The following CDH13 variants were observed in gnomAD, a reference collection of about 807,000 sequenced individuals.
CDH13 encodes the protein cadherin-13.
CDH13 carries 24 observed loss-of-function variants against 63.8 expected under a neutral mutation model. The ratio of observed to expected loss-of-function variants is 0.38; its 90% confidence interval spans 0.27 to 0.53. CDH13 has a LOEUF of 0.53. Among genes scored for constraint, CDH13 ranks in the 20% least tolerant of loss-of-function variants. The pLI is 0.85. For synonymous variants in CDH13, 503 were observed against 355.3 expected (o/e 1.42, Z -4.67); for missense variants, 1,049 against 903.1 (o/e 1.16, Z -2.07).
intron 1 of CDH13, among the ~76,000 whole-genome samples, chr16:82,751,827 A>C (rs1001873833): frequency 1.3e-5 from 2 of 152,080 alleles, no homozygotes; most frequent in African/African-American, 2.4e-5. Context: ...TTATCAGCAC[A>C]CAGTGTTGGT....
chr16:83,503,965 G>A (rs1267222928), intron 7 of CDH13, among the ~76,000 whole-genome samples: 1 of 150,662 alleles, frequency 6.6e-6, no homozygotes, highest in Non-Finnish European at 1.5e-5. Flanking sequence ...GGGGTGGGGG[G>A]CAAGGGAAGG....
At chr16:83,678,541 A>C in intron 10 of CDH13, 80 bp downstream of exon 10, 1 of 1,515,568 alleles carries the variant, frequency 6.6e-7, no homozygotes. Context: ...GCTGGTTGTC[A>C]GGAGCAGACA....
rs543497707 is a variant in CDH13 at position 82,710,487 on chromosome 16, C to G, written c.45+83350C>G. On this transcript the variant is annotated intron_variant, in intron 1 of 13. Coordinates refer to ENST00000567109, the MANE Select transcript of CDH13 (RefSeq NM_001257.5). ...GGCGGAGCTTGCAGTGAGCCGAGAT[C>G]GCGCCACTGCACTCCAGCCTGGGTG... is the stretch of plus-strand genomic sequence containing the variant. 3.1e-5 allele frequency among the ~76,000 whole-genome samples: 4 copies of G among 128,946 alleles called. No individual in the cohort carries two copies. The East Asian group carries it at 6.7e-4, about 22-fold the overall frequency. 84.6% of individuals were successfully genotyped at this position (128,946 alleles called of 152,430 possible). A position where few individuals can be genotyped will look rare whatever the true frequency, so the allele number is the denominator to read the frequency against.
At chr16:83,555,375 G>A (rs894371717) in intron 7 of CDH13, among the ~76,000 whole-genome samples, 1 of 152,132 alleles carries the variant, frequency 6.6e-6, no homozygotes, top group Non-Finnish European at 1.5e-5. Context: ...CCAGGCCTGT[G>A]GAATCATAGT....
chr16:83,389,601 T>C (rs1472318533), intron 6 of CDH13, among the ~76,000 whole-genome samples: 1 of 152,248 alleles, frequency 6.6e-6, no homozygotes, highest in Non-Finnish European at 1.5e-5. Context: ...CCATTTATTC[T>C]GCAGATAGTC....
intron 6 of CDH13, among the ~76,000 whole-genome samples, chr16:83,444,901 A>G (rs1364306432): frequency 8.4e-4 from 1 of 1,188 alleles, no homozygotes; most frequent in Non-Finnish European, 3.4e-3. Context: ...TTCACGGAAG[A>G]CTCCAAAAAT....
At chr16:83,220,034 C>G (rs1457088183) in intron 5 of CDH13, among the ~76,000 whole-genome samples, 1 of 152,200 alleles carries the variant, frequency 6.6e-6, no homozygotes, top group South Asian at 2.1e-4. Flanking sequence ...GTTTCTTACA[C>G]AAGTACTTGG....
At chr16:82,774,541 T>C (rs1479172677) in intron 1 of CDH13, among the ~76,000 whole-genome samples, 1 of 152,226 alleles carries the variant, frequency 6.6e-6, no homozygotes, top group African/African-American at 2.4e-5. Context: ...GAAAAAGAAT[T>C]ATTTCATTCA....
intron 2 of CDH13, among the ~76,000 whole-genome samples, chr16:82,939,278 C>T (rs1271705088): frequency 6.6e-6 from 1 of 152,076 alleles, no homozygotes; most frequent in Non-Finnish European, 1.5e-5. Context: ...CAAAAATTAG[C>T]CAGGTGTGCT....
At chr16:83,431,213 A>C (rs1227095813) in intron 6 of CDH13, among the ~76,000 whole-genome samples, 1 of 151,598 alleles carries the variant, frequency 6.6e-6, no homozygotes, top group South Asian at 2.1e-4. Context: ...AATCCAGTCT[A>C]TCATTGTTGG....
chr16:82,845,349 C>T (rs1283143189), intron 1 of CDH13, among the ~76,000 whole-genome samples: 1 of 152,206 alleles, frequency 6.6e-6, no homozygotes, highest in Non-Finnish European at 1.5e-5. Flanking sequence ...TGCTTTCCCT[C>T]ACATTAGCCA....
intron 11 of CDH13, among the ~76,000 whole-genome samples, chr16:83,767,798 G>A (rs996584979): frequency 3.9e-5 from 6 of 152,056 alleles, no homozygotes; most frequent in Admixed American, 6.6e-5. Context: ...CAAAATAGGC[G>A]AATCTGTAGA....
chr16:83,486,746 T>C (rs2073900060), intron 7 of CDH13, 91 bp downstream of exon 7: 7 of 1,191,566 alleles, frequency 5.9e-6, no homozygotes, highest in Non-Finnish European at 8.5e-6. Flanking sequence ...AGTGGTTTTT[T>C]TTAATACTGT....
chr16:83,271,715 C>G (rs1403079612), intron 5 of CDH13, among the ~76,000 whole-genome samples: 2 of 152,012 alleles, frequency 1.3e-5, no homozygotes, highest in Non-Finnish European at 2.9e-5. Flanking sequence ...TTTCTTTTAT[C>G]TTTCTTTGCA....
intron 7 of CDH13, among the ~76,000 whole-genome samples, chr16:83,583,455 C>G (rs1905829070): frequency 6.6e-6 from 1 of 152,232 alleles, no homozygotes; most frequent in Non-Finnish European, 1.5e-5. Flanking sequence ...ATTTATTGCA[C>G]ATCTATTCTG....
intron 8 of CDH13, among the ~76,000 whole-genome samples, chr16:83,644,446 C>A (rs893535868): frequency 6.6e-6 from 1 of 152,234 alleles, no homozygotes; most frequent in Non-Finnish European, 1.5e-5. Context: ...TGTACATCTT[C>A]ACGTACATAT....
At chr16:83,125,297 T>C (rs1400352173) in intron 3 of CDH13, 88 bp from the exon 4 acceptor site, 12 of 744,874 alleles carry the variant, frequency 1.6e-5, no homozygotes, top group Non-Finnish European at 2.6e-5. Context: ...AGCTGTATGC[T>C]TTCCCAACAA....
At chr16:83,588,919 G>A (rs919625176) in intron 7 of CDH13, among the ~76,000 whole-genome samples, 7 of 152,296 alleles carry the variant, frequency 4.6e-5, no homozygotes, top group Middle Eastern at 3.4e-3. Context: ...AGTGTTCCAG[G>A]AAACTCAGCG....
chr16:83,037,957 A>G (rs1917012155), intron 3 of CDH13, among the ~76,000 whole-genome samples: 1 of 152,174 alleles, frequency 6.6e-6, no homozygotes, highest in African/African-American at 2.4e-5. Context: ...AGGAGGAAGG[A>G]TAAGGAACTG....
Sources: allele counts gnomAD v4.1 joint callset (sites outside exome capture counted in the v4.1 genomes callset), GRCh38; gene constraint gnomAD v4.1.1; transcripts MANE v1.5; gene names NCBI Gene and HGNC (gene_info 2026-07-23, HGNC 2026-07-21).